CDKN2B-AS1: variants seen among roughly 807,000 people sequenced by gnomAD.
The protein encoded by CDKN2B-AS1 is CDKN2B and CDKN2A antisense cis and trans regulatory RNA 1, also known as CDKN2B antisense RNA 1 (non-protein coding).
intron 4 of CDKN2B-AS1, among the ~76,000 whole-genome samples, chr9:22,066,569 A>G (rs1331366982): frequency 2.0e-5 from 3 of 152,126 alleles, no homozygotes; most frequent in South Asian, 2.1e-4. Flanking sequence ...TCTAAGACCC[A>G]ATGGTAACTC....
At chr9:22,121,369 CT>C (rs964389850) in intron 4 of CDKN2B-AS1, among the ~76,000 whole-genome samples, 6 of 105,198 alleles carry the variant, frequency 5.7e-5, no homozygotes, top group Non-Finnish European at 1.3e-4. Flanking sequence ...TCTTTTAAAA[CT>C]AAAAAAAAAC....
intron 4 of CDKN2B-AS1, among the ~76,000 whole-genome samples, chr9:22,117,112 C>T (rs1391648278): frequency 6.6e-6 from 1 of 152,126 alleles, no homozygotes; most frequent in African/African-American, 2.4e-5. Flanking sequence ...AATTCCCATT[C>T]AAAAGACTTG....
chr9:22,084,047 C>T (rs1824787407), intron 4 of CDKN2B-AS1, among the ~76,000 whole-genome samples: 2 of 152,134 alleles, frequency 1.3e-5, no homozygotes, highest in African/African-American at 4.8e-5. Flanking sequence ...CTTAACAGTT[C>T]CTTAAGATTC....
chr9:22,018,737 A>C (rs1821891726), intron 1 of CDKN2B-AS1, among the ~76,000 whole-genome samples: 1 of 152,184 alleles, frequency 6.6e-6, no homozygotes. Context: ...ATCTACTTTT[A>C]CTTCATCTAC....
chr9:22,103,341 T>C (rs751144607), intron 4 of CDKN2B-AS1, among the ~76,000 whole-genome samples: 4 of 152,120 alleles, frequency 2.6e-5, no homozygotes, highest in Non-Finnish European at 4.4e-5. Flanking sequence ...AGCTTGGCTA[T>C]TGGGGCATTG....
At position 22,005,766 on chromosome 9, in the gene CDKN2B-AS1, G is replaced by GT; in HGVS notation, n.29+10608dup. On this transcript the variant is annotated intron_variant and non_coding_transcript_variant, in intron 1 of 4. Transcript: ENST00000650946. This position sits in a 1 kb window ranked among gnomAD's most constrained non-coding sequence, Gnocchi z 4.9. The stretch of plus-strand genomic sequence containing the variant: ...TATCCCTGGAAATCCGCTTCTCTGT[G>GT]TTTCGCTTCATGGTGAGTGTCGAGG... 1 of 623,668 alleles carries GT rather than the reference G, an allele frequency of 1.6e-6. No individual in the cohort carries two copies. Among genetic ancestry groups the GT allele is most frequent in the East Asian group, 2.8e-5 (1 of 36,260 alleles). The allele number at this position is 623,668 out of a possible 1,614,324, so 38.6% of individuals were successfully genotyped here. A position where few individuals can be genotyped will look rare whatever the true frequency, so the allele number is the denominator to read the frequency against.
intron 4 of CDKN2B-AS1, chr9:22,062,176 T>G (rs904612893): frequency 1.3e-5 from 2 of 152,194 alleles, no homozygotes; most frequent in Non-Finnish European, 2.9e-5. Context: ...TGGCTCCCTA[T>G]CAGTTCTAGA....
In CDKN2B-AS1 at chr9:22,023,262, A is replaced by G. The variant is rs201798054; in HGVS notation, n.30-23489A>G. On this transcript the variant is annotated intron_variant and non_coding_transcript_variant, in intron 1 of 4. Transcript: ENST00000650946. Reference sequence around the variant, plus strand: ...TCTTCCATTTTTTTCAGGTAAACCAATGAATTGTAGATGTGGTCTCTATAT... The same window carrying G: ...TCTTCCATTTTTTTCAGGTAAACCAGTGAATTGTAGATGTGGTCTCTATAT... 2.0e-5 allele frequency among the ~76,000 whole-genome samples: 3 copies of G among 152,160 alleles called. No homozygotes were observed. In the East Asian group the frequency reaches 5.8e-4, roughly 29 times the overall value.
intron 4 of CDKN2B-AS1, chr9:22,113,915 A>G (rs564599907): frequency 3.3e-5 from 5 of 152,316 alleles, no homozygotes; most frequent in African/African-American, 1.2e-4. Flanking sequence ...TGTAATCACA[A>G]ATGTAAAAAT....
chr9:22,072,239 C>T (rs116311412), intron 4 of CDKN2B-AS1, among the ~76,000 whole-genome samples: 1,647 of 152,238 alleles, frequency 0.011, 30 homozygotes, highest in African/African-American at 0.038. Flanking sequence ...ATCATAGGCA[C>T]TTAATTCCTT....
chr9:22,119,010 T>C (rs536470693), intron 4 of CDKN2B-AS1: 1 of 152,318 alleles, frequency 6.6e-6, no homozygotes, highest in African/African-American at 2.4e-5. Context: ...AAGGTAGGCA[T>C]TGGAGTCAGG....
intron 4 of CDKN2B-AS1, among the ~76,000 whole-genome samples, chr9:22,100,118 A>T (rs1825432755): frequency 6.6e-6 from 1 of 152,162 alleles, no homozygotes; most frequent in South Asian, 2.1e-4. Context: ...ACTATATTTT[A>T]TTCTTTTAAT....
At chr9:22,108,457 C>G (rs1445733755) in intron 4 of CDKN2B-AS1, among the ~76,000 whole-genome samples, 1 of 152,168 alleles carries the variant, frequency 6.6e-6, no homozygotes, top group Non-Finnish European at 1.5e-5. Flanking sequence ...ATGGTTACGA[C>G]TCTGCCTTCA....
chr9:22,030,253 T>C (rs1822413654), intron 1 of CDKN2B-AS1: 1 of 152,196 alleles, frequency 6.6e-6, no homozygotes, highest in African/African-American at 2.4e-5. Flanking sequence ...TGTAGAATTA[T>C]CATTGGCGTG....
At chr9:22,029,508 T>G (rs1291372466) in intron 1 of CDKN2B-AS1, 1 of 779,630 alleles carries the variant, frequency 1.3e-6, no homozygotes, top group Non-Finnish European at 2.4e-6. Context: ...CCTCAGCTCC[T>G]CTCATCTGAT....
At chr9:22,037,385 G>C (rs1035013584) in intron 1 of CDKN2B-AS1, among the ~76,000 whole-genome samples, 1 of 151,882 alleles carries the variant, frequency 6.6e-6, no homozygotes, top group Non-Finnish European at 1.5e-5. Context: ...CTCAGTGCTG[G>C]GTGACTCTCT....
intron 1 of CDKN2B-AS1, among the ~76,000 whole-genome samples, chr9:22,019,230 G>A (rs1821918121): frequency 6.6e-6 from 1 of 152,166 alleles, no homozygotes; most frequent in African/African-American, 2.4e-5. Context: ...CCATTGATGT[G>A]TTTATAAAGA....
chr9:22,051,765 A>C (rs1427178124), intron 3 of CDKN2B-AS1, among the ~76,000 whole-genome samples: 1 of 152,036 alleles, frequency 6.6e-6, no homozygotes, highest in Non-Finnish European at 1.5e-5. Context: ...ATATCAGTGA[A>C]GTTTTTGCTT....
chr9:22,122,489 C>A (rs1373760097), intron 4 of CDKN2B-AS1, among the ~76,000 whole-genome samples: 1 of 152,010 alleles, frequency 6.6e-6, no homozygotes, highest in Non-Finnish European at 1.5e-5. Flanking sequence ...GGTCCTGAAG[C>A]ATTTCTTCTA....
Sources: gnomAD v4.1 joint callset for allele counts (sites outside exome capture counted in the v4.1 genomes callset) on GRCh38, gnomAD v4.1.1 for gene constraint, Gnocchi (gnomAD v3.1) non-coding constraint, MANE v1.5 for transcripts, NCBI Gene and HGNC (gene_info 2026-07-23, HGNC 2026-07-21) for gene names.